The following ICA1 variants were observed in gnomAD, a reference collection of about 807,000 sequenced individuals.
The protein encoded by ICA1 is islet cell autoantigen 1.
ICA1 carries 40 observed loss-of-function variants against 71.0 expected under a neutral mutation model. The observed-to-expected ratio is 0.56, with a 90% CI of 0.44 to 0.73. ICA1 has a LOEUF of 0.73. ICA1 is among the 30% of genes least tolerant of loss of function. The pLI, the probability that ICA1 is intolerant of heterozygous loss-of-function variation, is 0.00. For synonymous variants in ICA1, 207 were observed against 209.5 expected, an observed-to-expected ratio of 0.99 and a Z score of 0.10; for missense variants, 578 against 576.5, an observed-to-expected ratio of 1.00 and a Z score of -0.03.
chr7:8,254,090 C>T (rs1042115067), intron 1 of ICA1, among the ~76,000 whole-genome samples: 1 of 152,148 alleles, frequency 6.6e-6, no homozygotes, highest in Non-Finnish European at 1.5e-5. Context: ...AGAATTTACA[C>T]ATCATTTAGT....
At chr7:8,118,510 C>T (rs34610433) in intron 13 of ICA1, among the ~76,000 whole-genome samples, 3,835 of 152,192 alleles carry the variant, frequency 0.025, 60 homozygotes, top group Non-Finnish European at 0.031. Context: ...TGCAATAAAA[C>T]GATTTTTTTT....
chr7:8,167,950 G>A (rs1397379329), intron 6 of ICA1, among the ~76,000 whole-genome samples: 1 of 152,066 alleles, frequency 6.6e-6, no homozygotes, highest in Non-Finnish European at 1.5e-5. Context: ...AATTTCTTGT[G>A]GTGTAAGGAA....
chr7:8,247,340 G>C (rs146815829), intron 1 of ICA1, among the ~76,000 whole-genome samples: 1 of 152,184 alleles, frequency 6.6e-6, no homozygotes, highest in African/African-American at 2.4e-5. Flanking sequence ...CACGCCTGTA[G>C]TCCCAGCTAC....
chr7:8,153,300 C>T (rs1800270218), intron 8 of ICA1, among the ~76,000 whole-genome samples: 1 of 152,186 alleles, frequency 6.6e-6, no homozygotes, highest in Admixed American at 6.5e-5. Flanking sequence ...TCATTAAATA[C>T]AGGCACTCTG....
intron 6 of ICA1, among the ~76,000 whole-genome samples, chr7:8,201,783 A>G (rs1861035): frequency 0.77 from 117,321 of 152,008 alleles, 45,304 homozygotes; most frequent in South Asian, 0.86. Flanking sequence ...CTGGGTTAGC[A>G]GCCAAATGGA....
chr7:8,192,882 C>A (rs1220657382), intron 6 of ICA1, among the ~76,000 whole-genome samples: 1 of 152,206 alleles, frequency 6.6e-6, no homozygotes, highest in Non-Finnish European at 1.5e-5. Flanking sequence ...CCTCTTTGGG[C>A]TGGCTCCAGC....
chr7:8,198,150 T>C (rs1788331587), intron 6 of ICA1, among the ~76,000 whole-genome samples: 1 of 152,168 alleles, frequency 6.6e-6, no homozygotes, highest in Non-Finnish European at 1.5e-5. Context: ...TTTGCATAAA[T>C]GTTACCCATT....
intron 4 of ICA1, among the ~76,000 whole-genome samples, chr7:8,224,161 A>C (rs1366237272): frequency 6.6e-6 from 1 of 152,214 alleles, no homozygotes; most frequent in East Asian, 1.9e-4. Flanking sequence ...GGGAGTTAAG[A>C]GTGAGCGGTC....
rs534763702 is a variant in ICA1 at position 8,168,916 on chromosome 7, T to A, written c.580-10264A>T. 2.0e-5 allele frequency among the ~76,000 whole-genome samples: 3 copies of A among 152,252 alleles called. No individual in the cohort carries two copies. The East Asian group carries it at 5.8e-4, about 29-fold the overall frequency. ...ATTTAATTTCAGATGTGCAATTCTATGAATTTTTGAACAAACGTATATAGT... is the reference window on the plus strand; with the variant it reads ...ATTTAATTTCAGATGTGCAATTCTAAGAATTTTTGAACAAACGTATATAGT... On this transcript the variant is annotated intron_variant, in intron 6 of 13. Coordinates refer to ENST00000402384, the MANE Select transcript of ICA1 (RefSeq NM_001136020.3).
chr7:8,254,861 A>G (rs1235341996), intron 1 of ICA1, among the ~76,000 whole-genome samples: 1 of 152,130 alleles, frequency 6.6e-6, no homozygotes, highest in East Asian at 1.9e-4. Flanking sequence ...GCACCAGGAC[A>G]CTTAGCTCCT....
At chr7:8,189,683 T>C (rs1585047651) in intron 6 of ICA1, among the ~76,000 whole-genome samples, 1 of 151,560 alleles carries the variant, frequency 6.6e-6, no homozygotes, top group Non-Finnish European at 1.5e-5. Context: ...AACCCCCAGC[T>C]CCGAGCCTGC....
intron 1 of ICA1, among the ~76,000 whole-genome samples, chr7:8,259,132 G>A (rs1811314827): frequency 6.6e-6 from 1 of 152,190 alleles, no homozygotes; most frequent in South Asian, 2.1e-4. Context: ...GATTCTCTGG[G>A]ACACTAAAGT....
chr7:8,155,717 C>T (rs1459482583), intron 8 of ICA1, among the ~76,000 whole-genome samples: 1 of 152,072 alleles, frequency 6.6e-6, no homozygotes, highest in African/African-American at 2.4e-5. Context: ...GAGTAAAATC[C>T]ATGGGATTTT....
chr7:8,204,000 C>G (rs939042249), intron 6 of ICA1, among the ~76,000 whole-genome samples: 2 of 151,372 alleles, frequency 1.3e-5, no homozygotes, highest in Non-Finnish European at 2.9e-5. Flanking sequence ...TAAGGTAGAA[C>G]AGAAATGTGA....
rs1037175135 is a variant in ICA1, at chr7:8,130,150, A to C, written c.1061-2008T>G. Among the ~76,000 whole-genome samples, 10 of 152,320 alleles carry C rather than the reference A, an allele frequency of 6.6e-5. No individual in the cohort carries two copies. The highest frequency in any genetic ancestry group is 2.4e-4 in the African/African-American group (10 of 41,576). The stretch of plus-strand genomic sequence containing the variant: ...TCCAAGTCTTTGCTGCTAGTGCCGC[A>C]ATAAACATACGTGGGCATGTGTCTT... On this transcript the variant is annotated intron_variant, in intron 12 of 13. Transcript: ENST00000402384. The surrounding 1 kb of genome is among the most constrained non-coding windows in gnomAD (Gnocchi z 4.2).
At chr7:8,255,399 CT>C (rs1429750262) in intron 1 of ICA1, among the ~76,000 whole-genome samples, 2 of 152,194 alleles carry the variant, frequency 1.3e-5, no homozygotes, top group African/African-American at 4.8e-5. Flanking sequence ...ACTTTTCTAT[CT>C]TTTCAATTTT....
chr7:8,194,527 C>CT, intron 6 of ICA1, among the ~76,000 whole-genome samples: 1 of 152,192 alleles, frequency 6.6e-6, no homozygotes, highest in East Asian at 1.9e-4. Flanking sequence ...TGGCAAGAGT[C>CT]TGACTTAAAA....
intron 12 of ICA1, among the ~76,000 whole-genome samples, chr7:8,138,548 C>A (rs748163692): frequency 6.6e-6 from 1 of 152,168 alleles, no homozygotes; most frequent in African/African-American, 2.4e-5. Context: ...TTTAAATCCA[C>A]GTGTCTGATT....
chr7:8,175,927 G>A (rs533256354), intron 6 of ICA1, among the ~76,000 whole-genome samples: 4 of 152,236 alleles, frequency 2.6e-5, no homozygotes, highest in South Asian at 2.1e-4. Context: ...TTTATCCCCC[G>A]CTCCTGCCTC....
Sources: allele counts gnomAD v4.1 joint callset (sites outside exome capture counted in the v4.1 genomes callset), GRCh38; gene constraint gnomAD v4.1.1; non-coding constraint Gnocchi (gnomAD v3.1); transcripts MANE v1.5; gene names NCBI Gene and HGNC (gene_info 2026-07-23, HGNC 2026-07-21).